AGBL1: variants seen among roughly 807,000 people sequenced by gnomAD.
AGBL1 encodes the protein cytosolic carboxypeptidase 4.
In AGBL1, 130 loss-of-function variants were observed where a neutral mutation model predicts 118.9. The ratio of observed to expected loss-of-function variants is 1.09; its 90% confidence interval spans 0.95 to 1.26. AGBL1 has a LOEUF of 1.26. Among genes scored for constraint, AGBL1 ranks in the 50% most tolerant of loss-of-function variants. The probability of loss-of-function intolerance (pLI) is 0.00; values close to 1 mark genes in which losing one functional copy is unlikely to be tolerated. For missense variants in AGBL1, 1,584 were observed against 1,298.1 expected (o/e 1.22, Z -3.38); for synonymous variants, 555 against 478.9 (o/e 1.16, Z -2.08).
chr15:86,830,138 G>A (rs957928640), intron 22 of AGBL1, among the ~76,000 whole-genome samples: 2 of 151,372 alleles, frequency 1.3e-5, no homozygotes, highest in Non-Finnish European at 2.9e-5. Flanking sequence ...CTTTTTTTGA[G>A]GTATAACGCA....
At chr15:86,142,108 G>C in intron 2 of AGBL1, 41 bp downstream of exon 2, 1 of 1,542,518 alleles carries the variant, frequency 6.5e-7, no homozygotes, top group Non-Finnish European at 8.8e-7. Flanking sequence ...TGGCGGATGT[G>C]GAGCCTGCTG....
intron 1 of AGBL1, among the ~76,000 whole-genome samples, chr15:86,111,628 A>G (rs1405878516): frequency 6.6e-6 from 1 of 152,158 alleles, no homozygotes; most frequent in African/African-American, 2.4e-5. Context: ...CATTTTGAAG[A>G]CCCAGTAGAA....
At chr15:86,751,701 A>C (rs142014033) in intron 22 of AGBL1, among the ~76,000 whole-genome samples, 1 of 152,130 alleles carries the variant, frequency 6.6e-6, no homozygotes, top group Non-Finnish European at 1.5e-5. Flanking sequence ...ATAGATGAAA[A>C]CTGTATTACA....
chr15:86,207,196 C>A (rs1239815867), intron 5 of AGBL1, among the ~76,000 whole-genome samples: 5 of 152,168 alleles, frequency 3.3e-5, no homozygotes, highest in South Asian at 4.1e-4. Context: ...CAGTATCATG[C>A]TGTTTTGGTT....
At chr15:86,540,303 G>T (rs1008736772) in intron 19 of AGBL1, among the ~76,000 whole-genome samples, 2 of 152,084 alleles carry the variant, frequency 1.3e-5, no homozygotes, top group African/African-American at 4.8e-5. Flanking sequence ...AACAAGATAG[G>T]GCTATTGAGG....
chr15:86,995,625 G>T (rs954881857), intron 24 of AGBL1, among the ~76,000 whole-genome samples: 1 of 152,108 alleles, frequency 6.6e-6, no homozygotes, highest in Non-Finnish European at 1.5e-5. Flanking sequence ...AAAATACAGT[G>T]GTAGAAAATT....
intron 5 of AGBL1, among the ~76,000 whole-genome samples, chr15:86,199,743 A>C (rs1216759013): frequency 2.0e-5 from 3 of 152,222 alleles, no homozygotes; most frequent in African/African-American, 7.2e-5. Context: ...AACATGAAAG[A>C]TTCTGGCCTC....
At chr15:86,423,601 CTGTT>C (rs2081822517) in intron 18 of AGBL1, among the ~76,000 whole-genome samples, 1 of 152,166 alleles carries the variant, frequency 6.6e-6, no homozygotes, top group South Asian at 2.1e-4. Context: ...CAAATTGTCT[CTGTT>C]TGCAGATGAC....
In AGBL1 at chr15:86,399,010, A is replaced by G. The variant is rs147462752; in HGVS notation, c.2555+1464A>G. Among the ~76,000 whole-genome samples, 928 of 152,142 alleles carry G rather than the reference A, an allele frequency of 6.1e-3. 8 individuals are homozygous for G. Among genetic ancestry groups the G allele is most frequent in the African/African-American group, 0.021 (889 of 41,506 alleles). Reference sequence around the variant, plus strand: ...GACTTCATTTTATTTACTTTTTTATAGAGATTATTTGAGGGCAGAGAATGT... The same window carrying G: ...GACTTCATTTTATTTACTTTTTTATGGAGATTATTTGAGGGCAGAGAATGT... On this transcript the variant is annotated intron_variant, in intron 18 of 22. Coordinates refer to ENST00000614907, the MANE Select transcript of AGBL1 (RefSeq NM_001386094.1).
In AGBL1 at chr15:86,636,716, T is replaced by C. The variant is rs1203218332; in HGVS notation, c.2995-37557T>C. Among the ~76,000 whole-genome samples, 64 of 25,034 alleles carry C rather than the reference T, an allele frequency of 2.6e-3. 4 individuals are homozygous for C. In the South Asian group the frequency reaches 0.03, roughly 12 times the overall value. The allele number at this position is 25,034 out of a possible 152,430, so 16.4% of individuals were successfully genotyped here. A position where few individuals can be genotyped will look rare whatever the true frequency, so the allele number is the denominator to read the frequency against. ...GAACCACCAGTCATATATATATATA[T>C]ATATATATATATATATATATATATA... On this transcript the variant is annotated intron_variant, in intron 21 of 22. Transcript: ENST00000614907.
chr15:86,754,731 A>AAT (rs1271402354), intron 22 of AGBL1, among the ~76,000 whole-genome samples: 2 of 152,156 alleles, frequency 1.3e-5, no homozygotes, highest in African/African-American at 4.8e-5. Flanking sequence ...TTATGGCACT[A>AAT]ATATCCCTGC....
In AGBL1 at chr15:86,368,451, T is replaced by G. The variant is rs147929640; in HGVS notation, c.2375-28915T>G. On this transcript the variant is annotated intron_variant, in intron 17 of 22. Coordinates refer to ENST00000614907, the MANE Select transcript of AGBL1 (RefSeq NM_001386094.1). ...TATATAAAAATTTTATATGAAGATT[T>G]TAAAGTTACTACATTTAGGATGCTC... 1.5e-3 allele frequency among the ~76,000 whole-genome samples: 224 copies of G among 152,336 alleles called. 1 individual carries two copies. The highest frequency in any genetic ancestry group is 5.2e-3 in the African/African-American group (217 of 41,580).
At chr15:87,030,270 TAATA>T (rs1220203214), downstream of AGBL1, among the ~76,000 whole-genome samples, 1 of 151,994 alleles carries the variant, frequency 6.6e-6, no homozygotes, top group Non-Finnish European at 1.5e-5. Flanking sequence ...AGATTAAAAA[TAATA>T]AAGAGCAGCT....
intron 5 of AGBL1, among the ~76,000 whole-genome samples, chr15:86,196,165 C>T (rs571284421): frequency 7.1e-4 from 108 of 151,924 alleles, no homozygotes; most frequent in African/African-American, 2.1e-3. Context: ...TGACTTTGGC[C>T]GCATGTAGCA....
Position 86,397,520 on chromosome 15 carries a change from C to G in AGBL1, c.2529C>G (p.Leu843=), listed in dbSNP as rs768148207. The G allele has an allele frequency of 3.7e-6, 6 of 1,611,834 alleles. No individual in the cohort carries two copies. In the Admixed American group the frequency reaches 1.0e-4, roughly 27 times the overall value. The part of the protein sequence containing the change: ...ENFIFKIIPM[L]NPDGVINGNH... ...TCATCTTCAAGATCATACCCATGCT[C>G]AACCCAGATGGTGTCATCAACGGCA... The change falls in exon 18 of 23, where the codon CTC becomes CTG. Residue 843 remains leucine (L), a synonymous_variant. Transcript: ENST00000614907.
At chr15:86,962,989 A>G in intron 23 of AGBL1, among the ~76,000 whole-genome samples, 1 of 152,116 alleles carries the variant, frequency 6.6e-6, no homozygotes, top group Non-Finnish European at 1.5e-5. Context: ...AATTGCACTT[A>G]TCTTTTAAAA....
chr15:86,953,842 G>C (rs1351645280), intron 23 of AGBL1, among the ~76,000 whole-genome samples: 1 of 152,076 alleles, frequency 6.6e-6, no homozygotes, highest in Non-Finnish European at 1.5e-5. Flanking sequence ...AGGGTTTTCT[G>C]GGTATAGAAT....
intron 16 of AGBL1, among the ~76,000 whole-genome samples, chr15:86,289,455 G>A (rs1433920377): frequency 2.0e-5 from 3 of 152,154 alleles, no homozygotes; most frequent in African/African-American, 7.2e-5. Context: ...CTACATAACA[G>A]ATGCTCTTCA....
chr15:86,595,031 C>T (rs2084387043), intron 21 of AGBL1, among the ~76,000 whole-genome samples: 1 of 152,174 alleles, frequency 6.6e-6, no homozygotes, highest in Non-Finnish European at 1.5e-5. Context: ...GCTTTCAGGA[C>T]ACCACCTTTT....
Sources: gnomAD v4.1 joint callset for allele counts (sites outside exome capture counted in the v4.1 genomes callset) on GRCh38, gnomAD v4.1.1 for gene constraint, MANE v1.5 for transcripts, NCBI Gene and HGNC (gene_info 2026-07-23, HGNC 2026-07-21) for gene names.